OCA2: variants seen among roughly 807,000 people sequenced by gnomAD.
The protein encoded by OCA2 is P protein.
OCA2 carries 77 observed loss-of-function variants against 100.2 expected under a neutral mutation model. The observed-to-expected ratio is 0.77, with a 90% confidence interval of 0.64 to 0.93. The LOEUF (loss-of-function observed/expected upper bound fraction) is 0.93, where lower values mean the gene tolerates loss of function less well. OCA2 is among the 40% of genes least tolerant of loss of function. The pLI, the probability that OCA2 is intolerant of heterozygous loss-of-function variation, is 0.00. For synonymous variants in OCA2, 432 were observed against 439.2 expected, an observed-to-expected ratio of 0.98 and a Z score of 0.21; for missense variants, 1,062 against 1,089.1, an observed-to-expected ratio of 0.98 and a Z score of 0.35.
intron 23 of OCA2, among the ~76,000 whole-genome samples, chr15:27,797,423 T>G (rs1595427563): frequency 6.6e-6 from 1 of 152,082 alleles, no homozygotes; most frequent in African/African-American, 2.4e-5. Context: ...ACCTTGACCT[T>G]AAGGGAAGGA....
chr15:27,914,635 C>T (rs2038594606), intron 19 of OCA2, among the ~76,000 whole-genome samples: 1 of 151,928 alleles, frequency 6.6e-6, no homozygotes, highest in Admixed American at 6.6e-5. Context: ...AAATACAATA[C>T]CTAGAAATGT....
intron 14 of OCA2, among the ~76,000 whole-genome samples, chr15:27,973,954 G>C (rs2040885376): frequency 6.6e-6 from 1 of 152,152 alleles, no homozygotes; most frequent in South Asian, 2.1e-4. Flanking sequence ...TATTGTGAAA[G>C]GGATTGAGTT....
chr15:28,039,351 T>C (rs1268064570), intron 2 of OCA2, among the ~76,000 whole-genome samples: 10 of 152,222 alleles, frequency 6.6e-5, no homozygotes, highest in Non-Finnish European at 1.5e-5. Context: ...GAATACACTT[T>C]TATCTAATGT....
rs575299612 is a variant in OCA2, at chr15:28,076,853, CAAAAA to C, written c.227+4790_227+4794del. Among the ~76,000 whole-genome samples, 3 of 60,752 alleles carry C rather than the reference CAAAAA, an allele frequency of 4.9e-5. No individual in the cohort carries two copies. The South Asian group carries it at 1.7e-3, about 34-fold the overall frequency. The allele number at this position is 60,752 out of a possible 152,430, so 39.9% of individuals were successfully genotyped here. On this transcript the variant is annotated intron_variant, in intron 2 of 23. Transcript: ENST00000354638. The stretch of plus-strand genomic sequence containing the variant: ...TGGGCGACAGAGCGAGACTCCGTCT[CAAAAA>C]AAAAAAAAAAAAAAAAATAGATAAT...
intron 23 of OCA2, among the ~76,000 whole-genome samples, chr15:27,785,295 C>G (rs1018604526): frequency 1.3e-5 from 2 of 152,122 alleles, no homozygotes; most frequent in African/African-American, 2.4e-5. Context: ...GAACTGAAAA[C>G]AGGTACATAA....
At chr15:27,972,955 T>C (rs929101571) in intron 14 of OCA2, among the ~76,000 whole-genome samples, 23 of 151,880 alleles carry the variant, frequency 1.5e-4, no homozygotes, top group Middle Eastern at 3.4e-3. Flanking sequence ...AACCTCTGCC[T>C]CCCTGGTTCA....
chr15:27,971,267 C>T (rs995495014), intron 14 of OCA2, among the ~76,000 whole-genome samples: 9 of 152,128 alleles, frequency 5.9e-5, no homozygotes, highest in African/African-American at 1.7e-4. Context: ...CAACGTGGGG[C>T]ATGAAGGGAA....
intron 23 of OCA2, among the ~76,000 whole-genome samples, chr15:27,770,297 C>CA: frequency 6.6e-6 from 1 of 152,200 alleles, no homozygotes; most frequent in African/African-American, 2.4e-5. Flanking sequence ...AGACACTGCG[C>CA]GGACCCCAAG....
intron 19 of OCA2, among the ~76,000 whole-genome samples, chr15:27,913,879 GAAA>G (rs2038526004): frequency 1.9e-5 from 1 of 52,862 alleles, no homozygotes; most frequent in Non-Finnish European, 3.2e-5. Flanking sequence ...AAGAAAGAAA[GAAA>G]GAAAGAAAGA....
At chr15:28,093,853 T>G (rs1476485180) in intron 1 of OCA2, among the ~76,000 whole-genome samples, 6 of 152,162 alleles carry the variant, frequency 3.9e-5, no homozygotes, top group Admixed American at 3.9e-4. Flanking sequence ...GACTATTTAC[T>G]CTGATTCCAT....
At chr15:27,814,964 A>ATG (rs2034240817) in intron 23 of OCA2, among the ~76,000 whole-genome samples, 6 of 151,926 alleles carry the variant, frequency 3.9e-5, no homozygotes, top group African/African-American at 9.7e-5. Context: ...ATATATATAT[A>ATG]TATCTTCTTT....
At chr15:27,805,555 G>GT (rs2033802825) in intron 23 of OCA2, among the ~76,000 whole-genome samples, 1 of 152,210 alleles carries the variant, frequency 6.6e-6, no homozygotes, top group Non-Finnish European at 1.5e-5. Context: ...CGCCCAGGAT[G>GT]TGGCAGCTGC....
intron 23 of OCA2, among the ~76,000 whole-genome samples, chr15:27,820,851 G>T (rs980393817): frequency 6.6e-6 from 1 of 152,092 alleles, no homozygotes; most frequent in Non-Finnish European, 1.5e-5. Flanking sequence ...GACTGTAAGT[G>T]GCAATTTGCC....
intron 2 of OCA2, among the ~76,000 whole-genome samples, chr15:28,072,173 C>G (rs530003689): frequency 1.6e-4 from 24 of 152,136 alleles, no homozygotes; most frequent in African/African-American, 5.8e-4. Context: ...GGAGACCATC[C>G]TGGCTAACAT....
intron 21 of OCA2, among the ~76,000 whole-genome samples, chr15:27,866,787 C>G (rs2036342934): frequency 6.6e-6 from 1 of 152,220 alleles, no homozygotes; most frequent in South Asian, 2.1e-4. Context: ...CCTCGGAGAT[C>G]TGTTTTGTGA....
At chr15:27,948,342 C>G (rs1230986400) in intron 18 of OCA2, among the ~76,000 whole-genome samples, 1 of 152,172 alleles carries the variant, frequency 6.6e-6, no homozygotes, top group African/African-American at 2.4e-5. Flanking sequence ...CTACACCCAC[C>G]ATATGACACA....
At chr15:27,990,214 C>G (rs1043491301) in intron 10 of OCA2, among the ~76,000 whole-genome samples, 2 of 152,174 alleles carry the variant, frequency 1.3e-5, no homozygotes, top group African/African-American at 4.8e-5. Flanking sequence ...AGGACAGACC[C>G]TGGCCCAACT....
chr15:28,038,875 A>G (rs1232423021), intron 2 of OCA2, among the ~76,000 whole-genome samples: 1 of 152,230 alleles, frequency 6.6e-6, no homozygotes, highest in Non-Finnish European at 1.5e-5. Context: ...GAGTGGCAGA[A>G]TGGATTTTAA....
At chr15:27,852,147 A>G (rs113327300) in intron 21 of OCA2, among the ~76,000 whole-genome samples, 34 of 152,352 alleles carry the variant, frequency 2.2e-4, no homozygotes, top group African/African-American at 8.2e-4. Context: ...TGCACTTTGC[A>G]TTATTGTAAT....
Sources: allele counts gnomAD v4.1 joint callset (sites outside exome capture counted in the v4.1 genomes callset), GRCh38; gene constraint gnomAD v4.1.1; transcripts MANE v1.5; gene names NCBI Gene and HGNC (gene_info 2026-07-23, HGNC 2026-07-21).